The following PCDH15 variants were observed in gnomAD, a reference collection of about 807,000 sequenced individuals.
PCDH15 encodes protocadherin related 15.
Under a neutral mutation model 178.5 loss-of-function variants are expected in PCDH15, and 129 were observed. The observed-to-expected ratio is 0.72, with a 90% CI of 0.63 to 0.84. PCDH15 has a LOEUF of 0.84. Ranked by LOEUF, PCDH15 falls within the 40% of genes least tolerant of loss-of-function variation. PCDH15 has a pLI of 0.00. For synonymous variants in PCDH15, 800 were observed against 732.0 expected, an observed-to-expected ratio of 1.09 and a Z score of -1.50; for missense variants, 2,230 against 2,099.9, an observed-to-expected ratio of 1.06 and a Z score of -1.21.
At chr10:55,466,258 C>T (rs1380983503) in intron 2 of PCDH15, among the ~76,000 whole-genome samples, 1 of 152,098 alleles carries the variant, frequency 6.6e-6, no homozygotes, top group Non-Finnish European at 1.5e-5. Flanking sequence ...GCTTAATTAA[C>T]ATAAATAAAA....
intron 1 of PCDH15, among the ~76,000 whole-genome samples, chr10:55,298,939 C>G (rs1286710176): frequency 6.6e-6 from 1 of 152,140 alleles, no homozygotes; most frequent in Non-Finnish European, 1.5e-5. Context: ...ATAATTTTCT[C>G]ATAAGTATTA....
chr10:54,586,950 C>T (rs981029322), intron 2 of PCDH15, among the ~76,000 whole-genome samples: 2 of 152,036 alleles, frequency 1.3e-5, no homozygotes, highest in African/African-American at 4.8e-5. Context: ...TTCGCAAACA[C>T]AGATACTCAG....
chr10:53,813,396 T>G (rs2075948376), intron 35 of PCDH15, among the ~76,000 whole-genome samples: 1 of 152,190 alleles, frequency 6.6e-6, no homozygotes, highest in East Asian at 1.9e-4. Flanking sequence ...CCAATTTTGA[T>G]GTTAAAACTA....
At chr10:55,169,992 GAAGGA>G (rs1839289166) in intron 1 of PCDH15, among the ~76,000 whole-genome samples, 1 of 151,742 alleles carries the variant, frequency 6.6e-6, no homozygotes, top group Non-Finnish European at 1.5e-5. Context: ...ATAAAGGAAG[GAAGGA>G]AGGAAGGAAG....
chr10:54,559,850 T>TAAAAAAAAAAAAAAA lies in PCDH15; in HGVS notation c.92-31988_92-31974dup, dbSNP rs80250003. Reference sequence around the variant, plus strand: ...TTTGACATCTTGGTTTGTCTTATAGTAAAAAAAAAAAAAAAAAAAAAAAAG... The same window carrying TAAAAAAAAAAAAAAA: ...TTTGACATCTTGGTTTGTCTTATAGTAAAAAAAAAAAAAAAAAAAAAAAAAAAAAAAAAAAAAAAG... On this transcript the variant is annotated intron_variant, in intron 2 of 37. Coordinates refer to ENST00000644397, the MANE Select transcript of PCDH15 (RefSeq NM_001384140.1). 4.8e-4 allele frequency among the ~76,000 whole-genome samples: 35 copies of TAAAAAAAAAAAAAAA among 73,058 alleles called. 1 individual carries two copies. Among genetic ancestry groups the TAAAAAAAAAAAAAAA allele is most frequent in the South Asian group, 6.1e-4 (1 of 1,650 alleles). The allele number at this position is 73,058 out of a possible 152,430, so 47.9% of individuals were successfully genotyped here.
At chr10:55,340,010 C>T (rs1844507456) in intron 2 of PCDH15, among the ~76,000 whole-genome samples, 2 of 151,180 alleles carry the variant, frequency 1.3e-5, no homozygotes, top group East Asian at 1.9e-4. Flanking sequence ...CTACACAATT[C>T]TGTAGAGCAT....
chr10:54,902,273 C>T (rs1223453427), intron 2 of PCDH15, among the ~76,000 whole-genome samples: 1 of 152,150 alleles, frequency 6.6e-6, no homozygotes, highest in East Asian at 1.9e-4. Context: ...AGAGCTGATA[C>T]ACCACTGATA....
intron 3 of PCDH15, among the ~76,000 whole-genome samples, chr10:54,430,739 T>C (rs1956867734): frequency 6.6e-6 from 1 of 151,642 alleles, no homozygotes; most frequent in African/African-American, 2.4e-5. Flanking sequence ...GCAAAATTAC[T>C]TGTAGAAGAA....
At chr10:54,993,882 A>G (rs1409713553) in intron 2 of PCDH15, among the ~76,000 whole-genome samples, 2 of 152,200 alleles carry the variant, frequency 1.3e-5, no homozygotes, top group Non-Finnish European at 2.9e-5. Context: ...AACAAATTAA[A>G]AAGTCAGAAA....
At chr10:54,648,727 G>A (rs542951434) in intron 2 of PCDH15, among the ~76,000 whole-genome samples, 1 of 152,166 alleles carries the variant, frequency 6.6e-6, no homozygotes, top group East Asian at 1.9e-4. Context: ...AGCATAACAG[G>A]TATTACATAA....
At chr10:55,431,854 A>G (rs1838887395) in intron 2 of PCDH15, among the ~76,000 whole-genome samples, 1 of 152,156 alleles carries the variant, frequency 6.6e-6, no homozygotes, top group Non-Finnish European at 1.5e-5. Flanking sequence ...ACAAATCTCT[A>G]TGATTCCATT....
At chr10:54,926,988 C>T (rs1238664474) in intron 2 of PCDH15, among the ~76,000 whole-genome samples, 1 of 151,422 alleles carries the variant, frequency 6.6e-6, no homozygotes, top group Non-Finnish European at 1.5e-5. Flanking sequence ...ATTTCTTGTC[C>T]TTAGCTTTGC....
At chr10:55,570,741 A>G (rs1564459423) in intron 2 of PCDH15, among the ~76,000 whole-genome samples, 2 of 152,038 alleles carry the variant, frequency 1.3e-5, no homozygotes, top group East Asian at 1.9e-4. Context: ...GGCAAAGTGG[A>G]AAATGTTTTC....
intron 13 of PCDH15, among the ~76,000 whole-genome samples, chr10:54,164,779 T>A (rs1462045073): frequency 1.3e-5 from 2 of 152,158 alleles, no homozygotes; most frequent in African/African-American, 2.4e-5. Context: ...GGGTAACACA[T>A]AATGAGTGCA....
At chr10:54,380,298 G>A (rs547983911) in intron 3 of PCDH15, among the ~76,000 whole-genome samples, 1 of 151,754 alleles carries the variant, frequency 6.6e-6, no homozygotes, top group Non-Finnish European at 1.5e-5. Context: ...TGAGTGGAAT[G>A]AGTATTTTTA....
intron 2 of PCDH15, among the ~76,000 whole-genome samples, chr10:55,152,438 G>T (rs1187293826): frequency 6.6e-6 from 1 of 152,106 alleles, no homozygotes; most frequent in Non-Finnish European, 1.5e-5. Context: ...ATTTTAATGG[G>T]TATATAATTT....
intron 2 of PCDH15, among the ~76,000 whole-genome samples, chr10:54,967,929 A>G (rs1215411353): frequency 2.0e-5 from 3 of 152,090 alleles, no homozygotes; most frequent in Non-Finnish European, 2.9e-5. Flanking sequence ...GTGTCCTCAT[A>G]GAACACAACA....
At chr10:54,953,483 C>A (rs1471099652) in intron 2 of PCDH15, among the ~76,000 whole-genome samples, 1 of 151,400 alleles carries the variant, frequency 6.6e-6, no homozygotes, top group African/African-American at 2.4e-5. Context: ...AAATTTCTAA[C>A]AATTTTTCTT....
chr10:55,107,156 G>A (rs1244028170), intron 2 of PCDH15, among the ~76,000 whole-genome samples: 1 of 152,158 alleles, frequency 6.6e-6, no homozygotes, highest in East Asian at 1.9e-4. Flanking sequence ...TTCAGAGGCT[G>A]CAGCCCATTA....
Sources: allele counts gnomAD v4.1 joint callset (sites outside exome capture counted in the v4.1 genomes callset), GRCh38; gene constraint gnomAD v4.1.1; transcripts MANE v1.5; gene names NCBI Gene and HGNC (gene_info 2026-07-23, HGNC 2026-07-21).